TENM3: variants seen among roughly 807,000 people sequenced by gnomAD.
The protein encoded by TENM3 is teneurin transmembrane protein 3.
A neutral mutation model predicts 255.1 loss-of-function variants in TENM3; 63 were observed. That is an observed-to-expected ratio of 0.25 (90% CI 0.20 to 0.30). The LOEUF (loss-of-function observed/expected upper bound fraction) is 0.30, where lower values mean the gene tolerates loss of function less well. TENM3 is among the 10% of genes least tolerant of loss of function. TENM3 has a pLI of 1.00. For synonymous variants in TENM3, 1,306 were observed against 1,322.3 expected, an observed-to-expected ratio of 0.99 and a Z score of 0.27; for missense variants, 2,929 against 3,461.1, an observed-to-expected ratio of 0.85 and a Z score of 3.86.
At chr4:182,369,049 C>T (rs1766614776) in intron 3 of TENM3, among the ~76,000 whole-genome samples, 1 of 152,178 alleles carries the variant, frequency 6.6e-6, no homozygotes, top group Non-Finnish European at 1.5e-5. Context: ...AATGTCATTA[C>T]TATCCAGAAG....
intron 22 of TENM3, among the ~76,000 whole-genome samples, chr4:182,761,428 GA>G: frequency 4.1e-5 from 1 of 24,208 alleles, no homozygotes; most frequent in East Asian, 3.2e-3. Context: ...CCAAAAAAAA[GA>G]AGAAGAATTA....
rs140008569 is a variant in TENM3, at chr4:182,721,765, T to A, written c.2369-7200T>A. On this transcript the variant is annotated intron_variant, in intron 13 of 27. Transcript: ENST00000511685. ...AAAATGTTCAACAAAATGAAAAATATCAATTTTGTCTGATGAAAATGACCC... is the reference window on the plus strand; with the variant it reads ...AAAATGTTCAACAAAATGAAAAATAACAATTTTGTCTGATGAAAATGACCC... Among the ~76,000 whole-genome samples, 107 of 152,312 alleles carry A rather than the reference T, an allele frequency of 7.0e-4. 2 individuals are homozygous for A. In the South Asian group the frequency reaches 0.021, roughly 30 times the overall value.
chr4:182,662,221 C>T (rs540360737), intron 6 of TENM3, among the ~76,000 whole-genome samples: 2 of 152,240 alleles, frequency 1.3e-5, no homozygotes, highest in East Asian at 1.9e-4. Context: ...TGTGGTCTCT[C>T]TCTGTTTTCA....
At chr4:182,536,894 G>T (rs1740383538) in intron 3 of TENM3, among the ~76,000 whole-genome samples, 1 of 152,098 alleles carries the variant, frequency 6.6e-6, no homozygotes, top group African/African-American at 2.4e-5. Flanking sequence ...TTATTAAATA[G>T]TTTTTTACTC....
the TENM3 span, among the ~76,000 whole-genome samples, chr4:181,808,102 A>G: frequency 6.6e-6 from 1 of 152,226 alleles, no homozygotes; most frequent in African/African-American, 2.4e-5. Context: ...CTAACCACAG[A>G]TAAAAAATTG....
upstream of TENM3, among the ~76,000 whole-genome samples, chr4:182,139,305 A>C (rs1200467216): frequency 6.6e-6 from 1 of 151,222 alleles, no homozygotes; most frequent in Non-Finnish European, 1.5e-5. Context: ...CCAGACTAAG[A>C]GGTCACCAAA....
chr4:182,704,276 A>G (rs1758106317), intron 12 of TENM3, among the ~76,000 whole-genome samples: 1 of 152,186 alleles, frequency 6.6e-6, no homozygotes, highest in South Asian at 2.1e-4. Context: ...CACACACCAC[A>G]CAAGGCATCT....
rs1762564344 is a variant in TENM3, at chr4:182,754,250, G to A, written c.4018-135G>A. On this transcript the variant is annotated intron_variant, in intron 21 of 27. Transcript: ENST00000511685. The surrounding 1 kb of genome is among the most constrained non-coding windows in gnomAD (Gnocchi z 5.1). The stretch of plus-strand genomic sequence containing the variant: ...ATTACTTTTTGGTTTATTTTACTGA[G>A]GCTATTGAAAAAACTATTATCAGAC... 3 of 856,818 alleles carry A rather than the reference G, an allele frequency of 3.5e-6. No homozygotes were observed. In the Admixed American group the frequency reaches 9.2e-5, roughly 26 times the overall value. The allele number at this position is 856,818 out of a possible 1,614,324, so 53.1% of individuals were successfully genotyped here. A position where few individuals can be genotyped will look rare whatever the true frequency, so the allele number is the denominator to read the frequency against.
the TENM3 span, among the ~76,000 whole-genome samples, chr4:182,127,741 G>C: frequency 0.092 from 13,945 of 152,194 alleles, 897 homozygotes; most frequent in Non-Finnish European, 0.14. Flanking sequence ...CAAAAATGGA[G>C]TTATCAAGCA....
the TENM3 span, among the ~76,000 whole-genome samples, chr4:182,110,797 A>G: frequency 1.6e-4 from 24 of 152,300 alleles, no homozygotes; most frequent in Admixed American, 7.8e-4. Context: ...ATGTAAAAAG[A>G]TTGAATAGAC....
chr4:181,552,800 G>A, the TENM3 span, among the ~76,000 whole-genome samples: 2 of 152,192 alleles, frequency 1.3e-5, no homozygotes, highest in Non-Finnish European at 2.9e-5. Context: ...GACAAACTTC[G>A]GAGGTCCCGG....
chr4:182,659,708 C>T (rs963630491), intron 6 of TENM3, among the ~76,000 whole-genome samples: 2 of 152,290 alleles, frequency 1.3e-5, no homozygotes, highest in Middle Eastern at 3.4e-3. Context: ...CTTCTATCTG[C>T]GCTGTATGTC....
rs1758768684 is a variant in TENM3 at position 182,711,844 on chromosome 4, A to G, written c.2222-2243A>G. Among the ~76,000 whole-genome samples the G allele has an allele frequency of 2.0e-5, 3 of 152,066 alleles. No individual in the cohort carries two copies. In the South Asian group the frequency reaches 6.2e-4, roughly 32 times the overall value. ...GCGTTAGTTTTCTCTAGAACCAGAA[A>G]CTGAAGATAATGGTACATTTGCTGT... is the stretch of plus-strand genomic sequence containing the variant. On this transcript the variant is annotated intron_variant, in intron 12 of 27. Transcript: ENST00000511685.
chr4:181,769,461 G>T, the TENM3 span, among the ~76,000 whole-genome samples: 1 of 152,134 alleles, frequency 6.6e-6, no homozygotes. Context: ...TATAATAATG[G>T]CTCCTCCTCA....
chr4:182,544,494 C>A (rs1054580998), intron 3 of TENM3, among the ~76,000 whole-genome samples: 2 of 151,920 alleles, frequency 1.3e-5, no homozygotes, highest in Non-Finnish European at 2.9e-5. Flanking sequence ...CCATGCCTGG[C>A]TAATTTTTAT....
chr4:182,269,982 AG>A (rs1408140886), intron 1 of TENM3, among the ~76,000 whole-genome samples: 5 of 152,152 alleles, frequency 3.3e-5, no homozygotes, highest in African/African-American at 4.8e-5. Context: ...GGGGATAAGG[AG>A]CATTGGGGGC....
chr4:181,519,551 C>T, the TENM3 span, among the ~76,000 whole-genome samples: 29 of 152,208 alleles, frequency 1.9e-4, 1 homozygote, highest in South Asian at 1.7e-3. Flanking sequence ...GCTATGATTA[C>T]GATTACTTAA....
At chr4:182,568,813 C>T (rs971056573) in intron 3 of TENM3, among the ~76,000 whole-genome samples, 3 of 152,152 alleles carry the variant, frequency 2.0e-5, no homozygotes, top group African/African-American at 4.8e-5. Context: ...GAACAAAGCA[C>T]GGCTATACAT....
the TENM3 span, among the ~76,000 whole-genome samples, chr4:181,888,500 A>ATATGTG: frequency 9.1e-5 from 2 of 21,944 alleles, no homozygotes; most frequent in Non-Finnish European, 1.7e-4. Flanking sequence ...ATGTGTATAT[A>ATATGTG]TATATATATA....
Sources: allele counts gnomAD v4.1 joint callset (sites outside exome capture counted in the v4.1 genomes callset), GRCh38; gene constraint gnomAD v4.1.1; non-coding constraint Gnocchi (gnomAD v3.1); transcripts MANE v1.5; gene names NCBI Gene and HGNC (gene_info 2026-07-23, HGNC 2026-07-21).